The following HECW2 variants were observed in gnomAD, a reference collection of about 807,000 sequenced individuals.
The protein encoded by HECW2 is E3 ubiquitin-protein ligase HECW2.
Under a neutral mutation model 175.2 loss-of-function variants are expected in HECW2, and 61 were observed. That is an observed-to-expected ratio of 0.35 (90% CI 0.28 to 0.43). The LOEUF (loss-of-function observed/expected upper bound fraction) is 0.43. Among genes scored for constraint, HECW2 ranks in the 20% least tolerant of loss-of-function variants. The probability of loss-of-function intolerance (pLI) is 1.00; values close to 1 mark genes in which losing one functional copy is unlikely to be tolerated. For synonymous variants in HECW2, 671 were observed against 731.0 expected, an observed-to-expected ratio of 0.92 and a Z score of 1.32; for missense variants, 1,524 against 2,000.5, an observed-to-expected ratio of 0.76 and a Z score of 4.54.
chr2:196,254,040 A>T lies in HECW2; in HGVS notation c.3420-11T>A. On this transcript the variant is annotated splice_polypyrimidine_tract_variant and intron_variant, in intron 18 of 28. Transcript: ENST00000644978. ...TCTTCTTCAAATAAGCTGGGGAAAG[A>T]CAAGAAACAAAACGGGCACTTCAGC... The T allele has an allele frequency of 6.2e-7, 1 of 1,613,056 alleles. No homozygotes were observed. Among genetic ancestry groups the T allele is most frequent in the East Asian group, 2.2e-5 (1 of 44,850 alleles).
intron 1 of HECW2, among the ~76,000 whole-genome samples, chr2:196,529,563 A>G (rs1193320999): frequency 6.6e-6 from 1 of 152,210 alleles, no homozygotes. Context: ...ATGCTACACA[A>G]ACATACATAA....
intron 1 of HECW2, among the ~76,000 whole-genome samples, chr2:196,530,821 G>C (rs1688815272): frequency 1.3e-5 from 2 of 152,136 alleles, no homozygotes; most frequent in Admixed American, 1.3e-4. Context: ...CTTCTATCTT[G>C]TTTGATTCAT....
chr2:196,223,153 C>T (rs1687729183), intron 23 of HECW2, among the ~76,000 whole-genome samples: 1 of 152,104 alleles, frequency 6.6e-6, no homozygotes, highest in Non-Finnish European at 1.5e-5. Context: ...TAGTCACTAC[C>T]CCCAGGAGCT....
intron 2 of HECW2, among the ~76,000 whole-genome samples, chr2:196,344,318 A>T (rs1230728752): frequency 8.6e-6 from 1 of 115,862 alleles, no homozygotes; most frequent in Admixed American, 9.3e-5. Context: ...TTGAGACAAG[A>T]TAAGAAAAAA....
At chr2:196,448,857 C>T (rs368839153) in intron 1 of HECW2, among the ~76,000 whole-genome samples, 1 of 152,152 alleles carries the variant, frequency 6.6e-6, no homozygotes, top group Non-Finnish European at 1.5e-5. Context: ...TGCTAGGAAC[C>T]CTTCCAGAGT....
intron 1 of HECW2, among the ~76,000 whole-genome samples, chr2:196,557,509 G>A (rs1179916228): frequency 6.6e-6 from 1 of 151,976 alleles, no homozygotes; most frequent in African/African-American, 2.4e-5. Context: ...GTTTTGCAAT[G>A]TGCACAAAAG....
At chr2:196,452,514 A>G (rs1322561753) in intron 1 of HECW2, among the ~76,000 whole-genome samples, 2 of 152,146 alleles carry the variant, frequency 1.3e-5, no homozygotes, top group Non-Finnish European at 2.9e-5. Flanking sequence ...TTTATAATGA[A>G]TTTCTTGTAA....
At chr2:196,374,855 A>G (rs563977997) in intron 2 of HECW2, among the ~76,000 whole-genome samples, 28 of 151,972 alleles carry the variant, frequency 1.8e-4, no homozygotes, top group African/African-American at 6.3e-4. Flanking sequence ...AAAAAGAAGC[A>G]AAGACGGCAC....
intron 14 of HECW2, among the ~76,000 whole-genome samples, chr2:196,281,199 T>C (rs1193062545): frequency 6.6e-6 from 1 of 152,096 alleles, no homozygotes; most frequent in Admixed American, 6.6e-5. Flanking sequence ...GTAGTGACTG[T>C]ATCTTAGTCA....
chr2:196,527,760 C>A (rs1020497946), intron 1 of HECW2, among the ~76,000 whole-genome samples: 2 of 152,176 alleles, frequency 1.3e-5, no homozygotes, highest in African/African-American at 4.8e-5. Flanking sequence ...CGCTTTGAAC[C>A]ATATTTCAAG....
Position 196,260,714 on chromosome 2 carries a change from A to C in HECW2, c.3336-2808T>G, listed in dbSNP as rs181296045. On this transcript the variant is annotated intron_variant, in intron 17 of 28. Transcript: ENST00000644978. ...AGCAGATCAAGGCTGAGGAACAGACAGAAGTCAGCAGACGTCCTGGAAATG... is the reference window on the plus strand; with the variant it reads ...AGCAGATCAAGGCTGAGGAACAGACCGAAGTCAGCAGACGTCCTGGAAATG... Among the ~76,000 whole-genome samples the C allele has an allele frequency of 5.8e-4, 89 of 152,354 alleles. 2 individuals are homozygous for C. The highest frequency in any genetic ancestry group is 4.2e-3 in the Admixed American group (65 of 15,308).
chr2:196,244,876 TA>T (rs1192955221), intron 19 of HECW2, among the ~76,000 whole-genome samples: 3 of 152,224 alleles, frequency 2.0e-5, no homozygotes, highest in African/African-American at 4.8e-5. Context: ...CAAGAATTTT[TA>T]AAACCTAGCA....
At chr2:196,398,183 AG>A (rs1694723996) in intron 2 of HECW2, among the ~76,000 whole-genome samples, 1 of 151,960 alleles carries the variant, frequency 6.6e-6, no homozygotes, top group Admixed American at 6.6e-5. Flanking sequence ...GTGAGTAGGG[AG>A]GATACATTGG....
At chr2:196,288,948 A>G (rs1690496681) in intron 14 of HECW2, 1 of 152,262 alleles carries the variant, frequency 6.6e-6, no homozygotes, top group South Asian at 2.1e-4. Flanking sequence ...TCACGTAATC[A>G]TGCTGTGCCT....
At chr2:196,288,117 A>G (rs1234426783) in intron 14 of HECW2, 1 of 152,188 alleles carries the variant, frequency 6.6e-6, no homozygotes, top group Admixed American at 6.5e-5. Context: ...ATTTAGGGTA[A>G]AAGAGCAATG....
intron 9 of HECW2, among the ~76,000 whole-genome samples, chr2:196,317,672 A>G (rs1218294541): frequency 6.6e-6 from 1 of 150,900 alleles, no homozygotes; most frequent in Non-Finnish European, 1.5e-5. Context: ...TGGTGGCTAC[A>G]ATATAATGAA....
intron 2 of HECW2, among the ~76,000 whole-genome samples, chr2:196,387,799 G>A (rs1420250782): frequency 2.0e-5 from 3 of 152,154 alleles, no homozygotes; most frequent in Non-Finnish European, 4.4e-5. Flanking sequence ...GGTGAGTGAT[G>A]TAGGTAAGAA....
intron 14 of HECW2, among the ~76,000 whole-genome samples, chr2:196,279,193 C>T (rs985924312): frequency 6.6e-6 from 1 of 152,022 alleles, no homozygotes; most frequent in Non-Finnish European, 1.5e-5. Flanking sequence ...GGACTACAGG[C>T]GCCCACCACC....
intron 23 of HECW2, among the ~76,000 whole-genome samples, chr2:196,223,715 A>G (rs1262727870): frequency 1.3e-5 from 2 of 152,186 alleles, no homozygotes; most frequent in African/African-American, 2.4e-5. Flanking sequence ...TGGAAGTCCC[A>G]GTGTGAAGGA....
Sources: allele counts gnomAD v4.1 joint callset (sites outside exome capture counted in the v4.1 genomes callset), GRCh38; gene constraint gnomAD v4.1.1; transcripts MANE v1.5; gene names NCBI Gene and HGNC (gene_info 2026-07-23, HGNC 2026-07-21).